The following GVQW3 variants were observed in gnomAD, a reference collection of about 807,000 sequenced individuals.
GVQW3 encodes the protein GVQW motif containing 3.
In GVQW3, 7 loss-of-function variants were observed where a neutral mutation model predicts 12.5. The observed-to-expected ratio is 0.56, with a 90% CI of 0.32 to 1.05. The LOEUF is 1.05. Among genes scored for constraint, GVQW3 ranks in the 50% least tolerant of loss-of-function variants. GVQW3 has a pLI of 0.04. For synonymous variants in GVQW3, 71 were observed against 67.2 expected (o/e 1.06, Z -0.28); for missense variants, 188 against 190.8 (o/e 0.99, Z 0.09).
chr11:76,395,497 T>G (rs2134551888), intron 1 of GVQW3, among the ~76,000 whole-genome samples: 1 of 152,366 alleles, frequency 6.6e-6, no homozygotes, highest in East Asian at 1.9e-4. Context: ...GCTTCCAACC[T>G]TTTGTTTTTT....
At chr11:76,400,004 T>TAC (rs1346744906) in intron 1 of GVQW3, among the ~76,000 whole-genome samples, 8 of 78,760 alleles carry the variant, frequency 1.0e-4, no homozygotes, top group African/African-American at 3.6e-4. Context: ...TCTCTCTCTG[T>TAC]ATACACACAC....
intron 1 of GVQW3, among the ~76,000 whole-genome samples, chr11:76,388,620 G>T (rs1235202084): frequency 6.6e-6 from 1 of 151,528 alleles, no homozygotes; most frequent in Non-Finnish European, 1.5e-5. Context: ...TATCTTGTGT[G>T]CCGAGATACA....
chr11:76,399,908 C>T (rs1946972099), intron 1 of GVQW3, among the ~76,000 whole-genome samples: 2 of 151,902 alleles, frequency 1.3e-5, no homozygotes, highest in African/African-American at 4.8e-5. Flanking sequence ...CCTGGGTCTA[C>T]AGCTTGCCAG....
intron 1 of GVQW3, among the ~76,000 whole-genome samples, chr11:76,403,162 G>A (rs1947007638): frequency 6.6e-6 from 1 of 151,934 alleles, no homozygotes; most frequent in African/African-American, 2.4e-5. Context: ...TGGACAAGCT[G>A]GTCTGGAACT....
At chr11:76,388,684 T>A (rs1946861114) in intron 1 of GVQW3, among the ~76,000 whole-genome samples, 1 of 152,002 alleles carries the variant, frequency 6.6e-6, no homozygotes, top group Admixed American at 6.6e-5. Context: ...AATCTAATTA[T>A]ATTACTCTTC....
At position 76,404,646 on chromosome 11, in the gene GVQW3, A is replaced by AGTC. The variant is rs1336969879; in HGVS notation, c.*888_*889insGTC. The AGTC allele has an allele frequency of 5.3e-5, 8 of 152,338 alleles. No individual in the cohort carries two copies. Among genetic ancestry groups the AGTC allele is most frequent in the African/African-American group, 1.9e-4 (8 of 41,472 alleles). 9.4% of individuals were successfully genotyped at this position (152,338 alleles called of 1,614,324 possible). On this transcript the variant is annotated 3_prime_UTR_variant, in exon 2 of 2. Coordinates refer to ENST00000529331, the MANE Select transcript of GVQW3 (RefSeq NM_001347885.2). ...GGCAGGAGGTGGGCAGTGAAGGGGA[A>AGTC]TACCAAGCATCCTGCACATCAGGTA...
chr11:76,396,885 T>A (rs1287722752), intron 1 of GVQW3, among the ~76,000 whole-genome samples: 2 of 152,196 alleles, frequency 1.3e-5, no homozygotes, highest in Non-Finnish European at 2.9e-5. Context: ...ATTTGCCTAT[T>A]TTGGAGATTT....
In GVQW3 at chr11:76,414,002, T is replaced by C. The variant is rs182622086; in HGVS notation, c.*2901T>C. Reference sequence around the variant, plus strand: ...AAATTGCTTTTCAGATTTGTACCTGTTATGCTGCCACCAATTTGAGGGAGG... The same window carrying C: ...AAATTGCTTTTCAGATTTGTACCTGCTATGCTGCCACCAATTTGAGGGAGG... On this transcript the variant is annotated 3_prime_UTR_variant, in exon 2 of 2. Transcript: ENST00000662483. The C allele has an allele frequency of 8.5e-5, 13 of 152,284 alleles. No individual in the cohort carries two copies. The East Asian group carries it at 2.3e-3, about 27-fold the overall frequency. The allele number at this position is 152,284 out of a possible 1,614,324, so 9.4% of individuals were successfully genotyped here.
Position 76,403,819 on chromosome 11 carries a change from G to A in GVQW3, c.*61G>A, listed in dbSNP as rs1243803967. 4 of 663,050 alleles carry A rather than the reference G, an allele frequency of 6.0e-6. No individual in the cohort carries two copies. The highest frequency in any genetic ancestry group is 2.8e-5 in the East Asian group (1 of 35,972). 41.1% of individuals were successfully genotyped at this position (663,050 alleles called of 1,614,324 possible). A position where few individuals can be genotyped will look rare whatever the true frequency, so the allele number is the denominator to read the frequency against. ...TGTAAATTCCAGTCTGAGTCCACAG[G>A]CCGAAGAGCGAGGAGTGCTGATGTA... is the stretch of plus-strand genomic sequence containing the variant. On this transcript the variant is annotated 3_prime_UTR_variant, in exon 2 of 2. Coordinates refer to ENST00000529331, the MANE Select transcript of GVQW3 (RefSeq NM_001347885.2).
intron 1 of GVQW3, among the ~76,000 whole-genome samples, chr11:76,389,355 A>G (rs7102401): frequency 0.024 from 3,696 of 152,350 alleles, 143 homozygotes; most frequent in African/African-American, 0.084. Context: ...GTAAAAATCA[A>G]TAGCATCTAG....
chr11:76,409,784 G>T (rs1947069065), downstream of GVQW3, among the ~76,000 whole-genome samples: 1 of 152,174 alleles, frequency 6.6e-6, no homozygotes, highest in African/African-American at 2.4e-5. Context: ...GTAATGGTTT[G>T]TTCCTAGAAT....
chr11:76,410,216 C>A (rs1590828406), downstream of GVQW3, among the ~76,000 whole-genome samples: 1 of 152,338 alleles, frequency 6.6e-6, no homozygotes, highest in East Asian at 1.9e-4. Context: ...GATTACACCA[C>A]TGCACTCCAG....
Position 76,382,219 on chromosome 11 carries a change from A to G in GVQW3, c.391A>G (p.Lys131Glu), listed in dbSNP as rs770950387. 1 of 1,536,150 alleles carries G rather than the reference A, an allele frequency of 6.5e-7. No individual in the cohort carries two copies. Among genetic ancestry groups the G allele is most frequent in the South Asian group, 1.2e-5 (1 of 84,066 alleles). ...VISGVLKGEP[K>E]PRKLDFRSDL... ...TTCGGGTGTTTTGAAGGGTGAGCCT[A>G]AACCACGAAAACTTGACTTTCGGTC... Residue 131 changes from lysine (K) to glutamate (E), a missense_variant, in exon 1 of 2, where the codon AAA (lysine) becomes GAA (glutamate). Coordinates refer to ENST00000529331, the MANE Select transcript of GVQW3 (RefSeq NM_001347885.2).
intron 1 of GVQW3, among the ~76,000 whole-genome samples, chr11:76,397,533 T>C (rs915022776): frequency 7.9e-5 from 12 of 152,358 alleles, no homozygotes; most frequent in Admixed American, 6.5e-4. Context: ...TTCACTGGTA[T>C]GCTGGTAAAT....
At chr11:76,392,349 G>T (rs1946900572) in intron 1 of GVQW3, 1 of 152,228 alleles carries the variant, frequency 6.6e-6, no homozygotes, top group Non-Finnish European at 1.5e-5. Context: ...GAAGAAACTG[G>T]ACTTGAGGCT....
intron 1 of GVQW3, among the ~76,000 whole-genome samples, chr11:76,384,974 C>A (rs1946817786): frequency 6.6e-6 from 1 of 152,206 alleles, no homozygotes; most frequent in Non-Finnish European, 1.5e-5. Flanking sequence ...ACCATACCTA[C>A]AGGAGTTGTT....
At chr11:76,395,659 T>C (rs903967909) in intron 1 of GVQW3, among the ~76,000 whole-genome samples, 1 of 152,228 alleles carries the variant, frequency 6.6e-6, no homozygotes, top group Non-Finnish European at 1.5e-5. Flanking sequence ...AAGCAAGATA[T>C]GGGCAGTGAG....
intron 1 of GVQW3, among the ~76,000 whole-genome samples, chr11:76,393,972 C>T (rs1487255468): frequency 1.3e-5 from 2 of 152,068 alleles, no homozygotes; most frequent in Non-Finnish European, 2.9e-5. Context: ...CATCTTGGCT[C>T]ACTGCAGCCT....
intron 1 of GVQW3, among the ~76,000 whole-genome samples, chr11:76,394,428 G>A (rs564136755): frequency 6.6e-6 from 1 of 151,620 alleles, no homozygotes; most frequent in Non-Finnish European, 1.5e-5. Context: ...ACAAATAAGT[G>A]AGAACATGAG....
Sources: allele counts gnomAD v4.1 joint callset (sites outside exome capture counted in the v4.1 genomes callset), GRCh38; gene constraint gnomAD v4.1.1; transcripts MANE v1.5; gene names NCBI Gene and HGNC (gene_info 2026-07-23, HGNC 2026-07-21).